The following PCCA variants were observed in gnomAD, a reference collection of about 807,000 sequenced individuals.
PCCA encodes propionyl-CoA carboxylase subunit alpha.
PCCA carries 74 observed loss-of-function variants against 101.3 expected under a neutral mutation model. The ratio of observed to expected loss-of-function variants is 0.73; its 90% CI spans 0.61 to 0.89. The LOEUF (loss-of-function observed/expected upper bound fraction) is 0.89, where lower values mean the gene tolerates loss of function less well. PCCA is among the 40% of genes least tolerant of loss of function. PCCA has a pLI of 0.00. For missense variants in PCCA, 891 were observed against 907.0 expected, an observed-to-expected ratio of 0.98 and a Z score of 0.23; for synonymous variants, 294 against 313.6, an observed-to-expected ratio of 0.94 and a Z score of 0.66.
intron 19 of PCCA, among the ~76,000 whole-genome samples, chr13:100,416,463 T>G (rs1198549262): frequency 6.6e-6 from 1 of 152,006 alleles, no homozygotes; most frequent in Non-Finnish European, 1.5e-5. Context: ...ATTAGAGGCG[T>G]GAGCCACCGT....
At chr13:100,126,460 T>C (rs571546794) in intron 4 of PCCA, among the ~76,000 whole-genome samples, 1 of 152,278 alleles carries the variant, frequency 6.6e-6, no homozygotes, top group African/African-American at 2.4e-5. Context: ...GACAAATTAA[T>C]ATTTAACACA....
intron 12 of PCCA, among the ~76,000 whole-genome samples, chr13:100,275,272 T>C (rs1208337651): frequency 1.3e-5 from 2 of 152,124 alleles, no homozygotes; most frequent in Non-Finnish European, 2.9e-5. Context: ...CTGTGGGCCC[T>C]GGTTAGCCCT....
At chr13:100,131,723 C>T (rs2050533985) in intron 4 of PCCA, among the ~76,000 whole-genome samples, 1 of 152,116 alleles carries the variant, frequency 6.6e-6, no homozygotes, top group East Asian at 1.9e-4. Flanking sequence ...GGGTTGTAGG[C>T]AGTGACAGAT....
chr13:100,135,385 C>G (rs575665509), intron 4 of PCCA, among the ~76,000 whole-genome samples: 7 of 152,214 alleles, frequency 4.6e-5, no homozygotes, highest in Non-Finnish European at 8.8e-5. Context: ...GAGTGAGACT[C>G]TGTCTCTTTA....
chr13:100,337,423 A>G (rs561466602), intron 17 of PCCA, among the ~76,000 whole-genome samples: 1 of 152,342 alleles, frequency 6.6e-6, no homozygotes, highest in South Asian at 2.1e-4. Flanking sequence ...CAGGGAAGAC[A>G]TGCCTTACTT....
intron 6 of PCCA, among the ~76,000 whole-genome samples, chr13:100,176,492 G>A (rs1467832757): frequency 1.3e-5 from 2 of 152,164 alleles, no homozygotes; most frequent in African/African-American, 4.8e-5. Context: ...TGCTGTTTCT[G>A]TGTGTTTGTA....
At chr13:100,488,394 T>C (rs1342800086) in intron 21 of PCCA, among the ~76,000 whole-genome samples, 1 of 152,190 alleles carries the variant, frequency 6.6e-6, no homozygotes, top group Non-Finnish European at 1.5e-5. Flanking sequence ...CGACCCTATA[T>C]ATTTTTTAAA....
chr13:100,412,713 C>T (rs190574791), intron 19 of PCCA, among the ~76,000 whole-genome samples: 22 of 152,064 alleles, frequency 1.4e-4, no homozygotes, highest in African/African-American at 5.1e-4. Flanking sequence ...GTAATGGGCA[C>T]AGAGTAAACG....
rs147084086 is a variant in PCCA, at chr13:100,454,396, A to C, written c.1899+5091A>C. Among the ~76,000 whole-genome samples the C allele has an allele frequency of 3.0e-3, 463 of 152,306 alleles. 3 individuals carry two copies. Among genetic ancestry groups the C allele is most frequent in the Non-Finnish European group, 5.4e-3 (368 of 68,032 alleles). ...ATGGCCAATGTGCTTTGTTTTACTG[A>C]ATTTTTCTGTGTGTGTTATTAGCAA... On this transcript the variant is annotated intron_variant, in intron 21 of 23. Transcript: ENST00000376285.
rs977722748 is a variant in PCCA, at chr13:100,209,220, C to A, written c.469-112C>A. On this transcript the variant is annotated intron_variant, in intron 6 of 23. Transcript: ENST00000376285. ...GTTGGCTCAAAAACTGTTGTTTCTGCAATAAAAATAATTAGAAAATACACA... is the reference window on the plus strand; with the variant it reads ...GTTGGCTCAAAAACTGTTGTTTCTGAAATAAAAATAATTAGAAAATACACA... 3 of 892,794 alleles carry A rather than the reference C, an allele frequency of 3.4e-6. No homozygotes were observed. In the African/African-American group the frequency reaches 5.0e-5, roughly 15 times the overall value. 55.3% of individuals were successfully genotyped at this position (892,794 alleles called of 1,614,324 possible).
At chr13:100,389,179 G>A (rs1414293443) in intron 19 of PCCA, among the ~76,000 whole-genome samples, 2 of 152,102 alleles carry the variant, frequency 1.3e-5, no homozygotes, top group African/African-American at 2.4e-5. Context: ...CGGAGGCCCC[G>A]AACTGAACAC....
intron 7 of PCCA, among the ~76,000 whole-genome samples, chr13:100,233,785 A>G (rs947721578): frequency 1.3e-5 from 2 of 152,298 alleles, no homozygotes; most frequent in East Asian, 3.9e-4. Context: ...TCTAATTTTC[A>G]TAGTAAGAAG....
chr13:100,455,081 T>A (rs922790539), intron 21 of PCCA, among the ~76,000 whole-genome samples: 4 of 151,904 alleles, frequency 2.6e-5, no homozygotes, highest in Non-Finnish European at 2.9e-5. Context: ...GAGGCTGAGG[T>A]GGGAGGATCA....
chr13:100,119,975 G>A (rs1490208965), intron 4 of PCCA, among the ~76,000 whole-genome samples: 3 of 152,056 alleles, frequency 2.0e-5, no homozygotes, highest in African/African-American at 4.8e-5. Flanking sequence ...GGGTTCAAGC[G>A]ATTCTCCTGC....
At chr13:100,314,170 A>G (rs539613346) in intron 16 of PCCA, among the ~76,000 whole-genome samples, 1 of 152,136 alleles carries the variant, frequency 6.6e-6, no homozygotes, top group African/African-American at 2.4e-5. Context: ...AATTTGCACT[A>G]TCACTCACAG....
At chr13:100,431,593 T>A (rs192036901) in intron 20 of PCCA, among the ~76,000 whole-genome samples, 1 of 152,322 alleles carries the variant, frequency 6.6e-6, no homozygotes, top group Middle Eastern at 3.4e-3. Context: ...GTACACGGTA[T>A]GAGTGGCTCA....
At chr13:100,240,845 G>C (rs951086247) in intron 8 of PCCA, among the ~76,000 whole-genome samples, 6 of 152,034 alleles carry the variant, frequency 3.9e-5, no homozygotes, top group African/African-American at 1.5e-4. Flanking sequence ...TTCAGTATTT[G>C]TATACAGTTT....
intron 20 of PCCA, among the ~76,000 whole-genome samples, chr13:100,441,872 A>G (rs2080391735): frequency 6.6e-6 from 1 of 152,126 alleles, no homozygotes; most frequent in Non-Finnish European, 1.5e-5. Flanking sequence ...AATTATCTTA[A>G]TCCTAGGCTC....
At chr13:100,403,002 T>A (rs2077458900) in intron 19 of PCCA, among the ~76,000 whole-genome samples, 1 of 141,068 alleles carries the variant, frequency 7.1e-6, no homozygotes, top group African/African-American at 2.6e-5. Flanking sequence ...AGAACTTAAT[T>A]TTTTTTTTTT....
Sources: allele counts gnomAD v4.1 joint callset (sites outside exome capture counted in the v4.1 genomes callset), GRCh38; gene constraint gnomAD v4.1.1; transcripts MANE v1.5; gene names NCBI Gene and HGNC (gene_info 2026-07-23, HGNC 2026-07-21).